DLG1: variants seen among roughly 807,000 people sequenced by gnomAD.
The protein encoded by DLG1 is disks large homolog 1.
DLG1 carries 42 observed loss-of-function variants against 123.4 expected under a neutral mutation model. The observed-to-expected ratio is 0.34, with a 90% confidence interval of 0.27 to 0.44. The LOEUF (loss-of-function observed/expected upper bound fraction) is 0.44. Ranked by LOEUF, DLG1 falls within the 20% of genes least tolerant of loss-of-function variation. The pLI, the probability that DLG1 is intolerant of heterozygous loss-of-function variation, is 1.00. For synonymous variants in DLG1, 317 were observed against 356.2 expected, an observed-to-expected ratio of 0.89 and a Z score of 1.24; for missense variants, 942 against 1,082.6, an observed-to-expected ratio of 0.87 and a Z score of 1.82.
At chr3:197,207,839 G>C (rs79657005) in intron 4 of DLG1, among the ~76,000 whole-genome samples, 26,112 of 144,624 alleles carry the variant, frequency 0.18, 4,492 homozygotes, top group African/African-American at 0.23. Flanking sequence ...TTTTTTAAAT[G>C]AGACTATAAC....
intron 11 of DLG1, among the ~76,000 whole-genome samples, chr3:197,125,208 G>C (rs1032573981): frequency 6.6e-6 from 1 of 152,168 alleles, no homozygotes; most frequent in Non-Finnish European, 1.5e-5. Flanking sequence ...GTGAAGGTTT[G>C]AGGGGAGAGA....
At chr3:197,252,149 G>C (rs1220682217) in intron 4 of DLG1, among the ~76,000 whole-genome samples, 1 of 152,140 alleles carries the variant, frequency 6.6e-6, no homozygotes, top group Non-Finnish European at 1.5e-5. Context: ...ATCGAGACAA[G>C]CTGGAGGTAG....
chr3:197,136,981 AT>A (rs1427366152), intron 9 of DLG1, among the ~76,000 whole-genome samples: 2 of 152,210 alleles, frequency 1.3e-5, no homozygotes, highest in Non-Finnish European at 2.9e-5. Context: ...TTCCATCATA[AT>A]TATGCTTACC....
At chr3:197,196,343 A>G (rs1002184910) in intron 4 of DLG1, among the ~76,000 whole-genome samples, 1 of 152,194 alleles carries the variant, frequency 6.6e-6, no homozygotes, top group African/African-American at 2.4e-5. Flanking sequence ...ATAGGATATA[A>G]GAATAATGTT....
In DLG1 at chr3:197,118,534, A is replaced by AAAT. The variant is rs1367846182; in HGVS notation, c.1286+873_1286+875dup. Among the ~76,000 whole-genome samples the AAAT allele has an allele frequency of 1.3e-5, 2 of 152,232 alleles. 1 individual carries two copies. The highest frequency in any genetic ancestry group is 4.1e-4 in the South Asian group (2 of 4,836). On this transcript the variant is annotated intron_variant, in intron 12 of 24. Transcript: ENST00000667157. Reference sequence around the variant, plus strand: ...TAGAATCAGGAGTCTGATAAGTAAAAAATAATAATAATGCTAACAATAATG... The same window carrying AAAT: ...TAGAATCAGGAGTCTGATAAGTAAAAAATAATAATAATAATGCTAACAATAATG...
At chr3:197,101,790 A>G (rs1288079497) in intron 14 of DLG1, among the ~76,000 whole-genome samples, 1 of 151,070 alleles carries the variant, frequency 6.6e-6, no homozygotes, top group Non-Finnish European at 1.5e-5. Flanking sequence ...CCCATGTTCG[A>G]TTATTTTTAT....
chr3:197,045,805 C>CACTT (rs1382923089), intron 24 of DLG1, among the ~76,000 whole-genome samples: 1 of 152,046 alleles, frequency 6.6e-6, no homozygotes, highest in Admixed American at 6.6e-5. Context: ...TTAAATAAGT[C>CACTT]ACTTACTAAA....
intron 24 of DLG1, 30 bp downstream of exon 24, chr3:197,051,547 T>TAAAG: frequency 6.3e-7 from 1 of 1,586,518 alleles, no homozygotes; most frequent in Non-Finnish European, 8.6e-7. Context: ...AATTCTATCT[T>TAAAG]AAAGAGGACT....
At position 197,296,934 on chromosome 3, in the gene DLG1, G is replaced by A. The variant is rs144890611; in HGVS notation, c.19+252C>T. On this transcript the variant is annotated intron_variant, in intron 2 of 24. Coordinates refer to ENST00000667157, the MANE Select transcript of DLG1 (RefSeq NM_001366207.1). ...GTGAAATACTAAAACACCAATTCAG[G>A]GTTATTAAGGACATCTGTTGGGGGG... 4.3e-3 allele frequency: 2,118 copies of A among 497,384 alleles called. 37 individuals are homozygous for A. The highest frequency in any genetic ancestry group is 0.04 in the African/African-American group (1,946 of 49,126). 30.8% of individuals were successfully genotyped at this position (497,384 alleles called of 1,614,324 possible).
rs1389803649 is a variant in DLG1, at chr3:197,193,741, C to T, written c.483+684G>A. On this transcript the variant is annotated intron_variant, in intron 5 of 24. Transcript: ENST00000667157. Reference sequence around the variant, plus strand: ...TTTAATAAGAAAGGGTAAATATACTCAGGATTATAGTTACTTCTGAGGGGA... The same window carrying T: ...TTTAATAAGAAAGGGTAAATATACTTAGGATTATAGTTACTTCTGAGGGGA... 2.0e-5 allele frequency among the ~76,000 whole-genome samples: 3 copies of T among 151,274 alleles called. No individual in the cohort carries two copies. In the South Asian group the frequency reaches 6.3e-4, roughly 32 times the overall value.
intron 14 of DLG1, among the ~76,000 whole-genome samples, chr3:197,101,793 A>G (rs1763616635): frequency 6.6e-6 from 1 of 151,406 alleles, no homozygotes; most frequent in African/African-American, 2.4e-5. Flanking sequence ...ATGTTCGATT[A>G]TTTTTATTTT....
chr3:197,130,634 T>G lies in DLG1; in HGVS notation c.1058A>C (p.Glu353Ala), dbSNP rs749214941. ...NVCLEEVTHEEAVTALKNTSD... is the reference protein window; with the variant it reads ...NVCLEEVTHEAAVTALKNTSD... ...TGTGTTCTTTAAGGCAGTTACTGCT[T>G]CTTCATGAGTAACTTCTTCTAAACA... The change falls in exon 11 of 25, where the codon GAA (glutamate) becomes GCA (alanine). Residue 353 changes from glutamate (E) to alanine (A), a missense_variant. Glu to Ala is a moderately radical substitution (Grantham distance 107, BLOSUM62 -1). Coordinates refer to ENST00000667157, the MANE Select transcript of DLG1 (RefSeq NM_001366207.1). 4.2e-5 allele frequency: 67 copies of G among 1,608,844 alleles called. No individual in the cohort carries two copies. Among genetic ancestry groups the G allele is most frequent in the Non-Finnish European group, 5.6e-5 (66 of 1,178,334 alleles).
intron 5 of DLG1, among the ~76,000 whole-genome samples, chr3:197,152,075 C>CT (rs138121594): frequency 0.013 from 2,044 of 152,274 alleles, 41 homozygotes; most frequent in East Asian, 0.089. Context: ...CTATAGCTTC[C>CT]TATGATTTGC....
At chr3:197,289,639 T>C (rs367685540) in intron 3 of DLG1, among the ~76,000 whole-genome samples, 213 of 152,276 alleles carry the variant, frequency 1.4e-3, no homozygotes, top group African/African-American at 4.9e-3. Context: ...CAATACCCAA[T>C]TGAGTAATCA....
chr3:197,243,573 A>G (rs1176631912), intron 4 of DLG1, among the ~76,000 whole-genome samples: 9 of 152,214 alleles, frequency 5.9e-5, no homozygotes, highest in East Asian at 1.9e-4. Flanking sequence ...AAGGTACAAC[A>G]CTGGGTTCCT....
chr3:197,222,383 A>C (rs1737595333), intron 4 of DLG1, among the ~76,000 whole-genome samples: 1 of 152,232 alleles, frequency 6.6e-6, no homozygotes, highest in African/African-American at 2.4e-5. Flanking sequence ...CATATTTCCA[A>C]GCTGACTATA....
intron 17 of DLG1, among the ~76,000 whole-genome samples, chr3:197,077,762 C>A (rs1377708104): frequency 6.6e-6 from 1 of 152,092 alleles, no homozygotes; most frequent in African/African-American, 2.4e-5. Context: ...GGCTATTAAA[C>A]AGAAATAGCT....
intron 14 of DLG1, among the ~76,000 whole-genome samples, chr3:197,096,313 C>T (rs1211291812): frequency 6.6e-6 from 1 of 152,134 alleles, no homozygotes. Flanking sequence ...TAACAATAAC[C>T]TAACATATAT....
At chr3:197,260,422 T>C (rs1473159271) in intron 4 of DLG1, 2 of 292,246 alleles carry the variant, frequency 6.8e-6, no homozygotes, top group Non-Finnish European at 1.3e-5. Context: ...TGTAACTAGA[T>C]CTCTCCAGGA....
Sources: gnomAD v4.1 joint callset for allele counts (sites outside exome capture counted in the v4.1 genomes callset) on GRCh38, gnomAD v4.1.1 for gene constraint, MANE v1.5 for transcripts, NCBI Gene and HGNC (gene_info 2026-07-23, HGNC 2026-07-21) for gene names.